The following ZKSCAN7 variants were observed in gnomAD, a reference collection of about 807,000 sequenced individuals.
ZKSCAN7 encodes zinc finger with KRAB and SCAN domains 7.
A neutral mutation model predicts 65.3 loss-of-function variants in ZKSCAN7; 38 were observed. That is an observed-to-expected ratio of 0.58 (90% confidence interval 0.45 to 0.76). The LOEUF (loss-of-function observed/expected upper bound fraction) is 0.76, where lower values mean the gene tolerates loss of function less well. ZKSCAN7 is among the 30% of genes least tolerant of loss of function. ZKSCAN7 has a pLI of 0.00. For synonymous variants in ZKSCAN7, 321 were observed against 321.0 expected (o/e 1.00, Z 0.00); for missense variants, 815 against 913.3 (o/e 0.89, Z 1.39).
At position 44,579,972 on chromosome 3, in the gene ZKSCAN7, G is replaced by T; in HGVS notation, c.812-3000G>T. ...GGAAGCCGAGGCGTCTGGGAGAGGAGCTTGGGGGGGGGCTTCATTGGTGAA... is the reference window on the plus strand; with the variant it reads ...GGAAGCCGAGGCGTCTGGGAGAGGATCTTGGGGGGGGGCTTCATTGGTGAA... On this transcript the variant is annotated intron_variant, in intron 5 of 5. Transcript: ENST00000341840. The T allele has an allele frequency of 2.2e-6, 3 of 1,375,344 alleles. No individual in the cohort carries two copies. The South Asian group carries it at 3.7e-5, about 17-fold the overall frequency. 85.2% of individuals were successfully genotyped at this position (1,375,344 alleles called of 1,614,324 possible).
downstream of ZKSCAN7, among the ~76,000 whole-genome samples, chr3:44,575,336 C>G (rs1699902393): frequency 6.6e-6 from 1 of 152,148 alleles, no homozygotes; most frequent in Non-Finnish European, 1.5e-5. Context: ...AGGTGTGTAA[C>G]TGTGGGAAAA....
intron 3 of ZKSCAN7, among the ~76,000 whole-genome samples, chr3:44,567,163 AGAG>A (rs1699657936): frequency 1.2e-5 from 1 of 84,070 alleles, no homozygotes; most frequent in Non-Finnish European, 2.4e-5. Context: ...AGAAAGAAAA[AGAG>A]AAGAGAAAAG....
At chr3:44,574,351 C>T (rs755529577), downstream of ZKSCAN7, among the ~76,000 whole-genome samples, 9 of 152,052 alleles carry the variant, frequency 5.9e-5, no homozygotes, top group Non-Finnish European at 1.0e-4. Flanking sequence ...TGGGCTCAAG[C>T]GGTCCGCCTG....
At chr3:44,574,352 G>A (rs550041037), downstream of ZKSCAN7, among the ~76,000 whole-genome samples, 7 of 152,208 alleles carry the variant, frequency 4.6e-5, no homozygotes, top group Admixed American at 2.6e-4. Context: ...GGGCTCAAGC[G>A]GTCCGCCTGT....
chr3:44,565,104 A>G (rs969695306), intron 2 of ZKSCAN7, among the ~76,000 whole-genome samples: 1 of 152,090 alleles, frequency 6.6e-6, no homozygotes, highest in Non-Finnish European at 1.5e-5. Flanking sequence ...CGCCTGGCCT[A>G]TCCTTTGTAC....
intron 5 of ZKSCAN7, among the ~76,000 whole-genome samples, chr3:44,582,364 G>A (rs1239852525): frequency 6.6e-6 from 1 of 152,080 alleles, no homozygotes; most frequent in Non-Finnish European, 1.5e-5. Context: ...CTGGCCTGTG[G>A]GTATTCCTGA....
At chr3:44,580,987 C>T (rs1348651599) in intron 5 of ZKSCAN7, 1 of 1,610,786 alleles carries the variant, frequency 6.2e-7, no homozygotes, top group Non-Finnish European at 8.5e-7. Context: ...AAGATGTTGG[C>T]CTGGAATTTC....
At chr3:44,556,375 A>T (rs985060536) in intron 1 of ZKSCAN7, among the ~76,000 whole-genome samples, 1 of 152,212 alleles carries the variant, frequency 6.6e-6, no homozygotes. Context: ...TGAAGAAGAA[A>T]AATTCAAAGA....
chr3:44,564,120 G>T (rs978790857), intron 2 of ZKSCAN7, among the ~76,000 whole-genome samples: 1 of 152,200 alleles, frequency 6.6e-6, no homozygotes, highest in African/African-American at 2.4e-5. Context: ...TTTAAAATGT[G>T]CCTTATTTAG....
At position 44,571,349 on chromosome 3, in the gene ZKSCAN7, T is replaced by C; in HGVS notation, c.2239T>C (p.Ser747Pro). The C allele has an allele frequency of 1.2e-6, 2 of 1,614,186 alleles. No individual in the cohort carries two copies. Among genetic ancestry groups the C allele is most frequent in the Non-Finnish European group, 1.7e-6 (2 of 1,180,046 alleles). ...GCGAACTCACACTGGAGAGAAGTCC[T>C]CAGGTCTGGCTTGGTCAGTTTCTTA... is the stretch of plus-strand genomic sequence containing the variant. ...HQRTHTGEKS[S>P]GLAWSVS The change falls in exon 6 of 6, where the codon TCA becomes CCA. Residue 747 changes from serine (S) to proline (P), a missense_variant. This residue lies in a region of ZKSCAN7 where 578 missense variants were observed against 629.5 expected (regional missense o/e 0.92). Transcript: ENST00000426540.
At chr3:44,569,807 A>T in intron 5 of ZKSCAN7, 115 bp from the exon 6 acceptor site, 1 of 1,410,064 alleles carries the variant, frequency 7.1e-7, no homozygotes, top group East Asian at 2.5e-5. Context: ...TCAATGTGTC[A>T]TCTCATTTCT....
At chr3:44,561,590 G>A (rs1699477297) in intron 2 of ZKSCAN7, among the ~76,000 whole-genome samples, 3 of 152,140 alleles carry the variant, frequency 2.0e-5, no homozygotes, top group South Asian at 4.2e-4. Flanking sequence ...TTCCACCTAT[G>A]AGCCTGTAAA....
In ZKSCAN7 at chr3:44,565,510, G is replaced by A; in HGVS notation, c.447G>A (p.Gln149=). ...AGGTTTCAGCCCCAGCACAGAAACA[G>A]GAAATGCATTTTGAGGAGACAACAG... ...SEEVSAPAQK[Q]EMHFEETTAL... Residue 149 remains glutamine, a synonymous_variant, in exon 3 of 6, where the codon CAG becomes CAA. Coordinates refer to ENST00000426540, the MANE Select transcript of ZKSCAN7 (RefSeq NM_001288590.2). 1 of 1,609,702 alleles carries A rather than the reference G, an allele frequency of 6.2e-7. No homozygotes were observed. Among genetic ancestry groups the A allele is most frequent in the African/African-American group, 1.3e-5 (1 of 74,894 alleles).
At chr3:44,574,496 T>G (rs1168739865), downstream of ZKSCAN7, among the ~76,000 whole-genome samples, 1 of 152,272 alleles carries the variant, frequency 6.6e-6, no homozygotes, top group Non-Finnish European at 1.5e-5. Flanking sequence ...TGTCTTGTTC[T>G]AAAATCTCAG....
intron 2 of ZKSCAN7, 110 bp downstream of exon 2, chr3:44,557,580 T>G: frequency 1.3e-6 from 2 of 1,485,668 alleles, no homozygotes; most frequent in Admixed American, 2.3e-5. Flanking sequence ...CCTTTAGGGT[T>G]GCTGAACTTG....
Position 44,581,195 on chromosome 3 carries a change from C to T in ZKSCAN7, c.812-1777C>T, listed in dbSNP as rs575043890. Among the ~76,000 whole-genome samples the T allele has an allele frequency of 1.7e-3, 253 of 147,124 alleles. 1 individual carries two copies. Among genetic ancestry groups the T allele is most frequent in the African/African-American group, 5.5e-3 (227 of 41,028 alleles). The stretch of plus-strand genomic sequence containing the variant: ...CACGCGCCGAGGCTCCTGAGCCGCC[C>T]GGGCCTCACAGCGCGCGCGACGCCC... On this transcript the variant is annotated intron_variant, in intron 5 of 5. Transcript: ENST00000341840.
chr3:44,569,480 G>A (rs1321537647), intron 5 of ZKSCAN7, among the ~76,000 whole-genome samples: 1 of 151,930 alleles, frequency 6.6e-6, no homozygotes, highest in African/African-American at 2.4e-5. Context: ...TCTTTCTTAT[G>A]TTTGGCTTGA....
chr3:44,556,872 T>C (rs1699308641), intron 1 of ZKSCAN7, 58 bp from the exon 2 acceptor site: 1 of 834,054 alleles, frequency 1.2e-6, no homozygotes, highest in South Asian at 1.7e-5. Flanking sequence ...AGTGGAGGAT[T>C]GTCATCAGCC....
chr3:44,569,115 A>T (rs1351851510), intron 5 of ZKSCAN7, among the ~76,000 whole-genome samples: 2 of 152,222 alleles, frequency 1.3e-5, no homozygotes, highest in Non-Finnish European at 2.9e-5. Context: ...GCCATTACGC[A>T]TCATCTCATT....
Sources: allele counts gnomAD v4.1 joint callset (sites outside exome capture counted in the v4.1 genomes callset), GRCh38; gene constraint gnomAD v4.1.1; regional missense constraint gnomAD v4.1.1; transcripts MANE v1.5; gene names NCBI Gene and HGNC (gene_info 2026-07-23, HGNC 2026-07-21).